Variants in FOXO1 observed in about 807,000 individuals in gnomAD.
FOXO1 encodes forkhead box O1, also known as forkhead box protein O1.
In FOXO1, 6 loss-of-function variants were observed where a neutral mutation model predicts 44.1. The observed-to-expected ratio is 0.14, with a 90% CI of 0.07 to 0.27. FOXO1 has a LOEUF of 0.27. FOXO1 is among the 10% of genes least tolerant of loss of function. The pLI is 1.00. For synonymous variants in FOXO1, 380 were observed against 362.7 expected (o/e 1.05, Z -0.54); for missense variants, 737 against 888.8 (o/e 0.83, Z 2.17).
chr13:40,560,395 T>C lies in FOXO1; in HGVS notation c.1096A>G (p.Ser366Gly), dbSNP rs900224788. The C allele has an allele frequency of 1.2e-6, 2 of 1,614,222 alleles. No individual in the cohort carries two copies. Among genetic ancestry groups the C allele is most frequent in the Non-Finnish European group, 1.7e-6 (2 of 1,180,042 alleles). Residue 366 changes from serine (S) to glycine (G), a missense_variant, in exon 2 of 3, where the codon AGC becomes GGC. Ser to Gly is a moderately conservative substitution (Grantham distance 56). Around this residue, in one of 7 missense-constraint regions of FOXO1, gnomAD observed 136 missense variants for 186.4 expected, o/e 0.73. Transcript: ENST00000379561. The surrounding 1 kb of genome is among the most constrained non-coding windows in gnomAD (Gnocchi z 5.1). Reference protein sequence around the residue: ...ASTLPSLSEISNPENMENLLD... With the variant: ...ASTLPSLSEIGNPENMENLLD... ...AGATTTTCCATGTTTTCGGGATTGC[T>C]TATCTCAGACAGACTGGGTAAAGTA... is the stretch of plus-strand genomic sequence containing the variant.
chr13:40,564,987 A>ATGGTGTAGTCGGGGAACCCCGACG lies in FOXO1; in HGVS notation c.631-4128_631-4127insCGTCGGGGTTCCCCGACTACACCA, dbSNP rs1874210811. Among the ~76,000 whole-genome samples the ATGGTGTAGTCGGGGAACCCCGACG allele has an allele frequency of 5.3e-5, 8 of 152,084 alleles. No homozygotes were observed. In the South Asian group the frequency reaches 1.5e-3, roughly 28 times the overall value. ...CATGGTGTAGTCGGGGAACCCCGAC[A>ATGGTGTAGTCGGGGAACCCCGACG]TGGTGTACTTGCTTGTTCAACCTGC... is the stretch of plus-strand genomic sequence containing the variant. On this transcript the variant is annotated intron_variant, in intron 1 of 2. Coordinates refer to ENST00000379561, the MANE Select transcript of FOXO1 (RefSeq NM_002015.4).
Position 40,560,484 on chromosome 13 carries a change from T to C in FOXO1, c.1007A>G (p.Asp336Gly), listed in dbSNP as rs775637411. The C allele has an allele frequency of 6.2e-7, 1 of 1,614,158 alleles. No individual in the cohort carries two copies. The highest frequency in any genetic ancestry group is 8.5e-7 in the Non-Finnish European group (1 of 1,180,018). The change falls in exon 2 of 3, where the codon GAT (aspartate) becomes GGT (glycine). Residue 336 changes from aspartate to glycine, a missense_variant. Transcript: ENST00000379561. The surrounding 1 kb of genome is among the most constrained non-coding windows in gnomAD (Gnocchi z 5.1). ...GRLSPIMTEQ[D>G]DLGEGDVHSM... ...ATGCACATCCCCTTCTCCAAGATCA[T>C]CCTGTTCGGTCATAATGGGTGAGAG...
intron 1 of FOXO1, among the ~76,000 whole-genome samples, chr13:40,615,311 C>T (rs949099309): frequency 2.6e-5 from 4 of 152,066 alleles, no homozygotes; most frequent in Non-Finnish European, 5.9e-5. Flanking sequence ...CCGAGGCAGG[C>T]GGATCACCTG....
intron 1 of FOXO1, among the ~76,000 whole-genome samples, chr13:40,583,950 A>G (rs1025182698): frequency 5.3e-5 from 8 of 152,088 alleles, no homozygotes; most frequent in Non-Finnish European, 8.8e-5. Flanking sequence ...CTAGCCTTTG[A>G]TTTACAGTGA....
In FOXO1 at chr13:40,637,953, A is replaced by G. The variant is rs1471034665; in HGVS notation, c.630+27630T>C. Among the ~76,000 whole-genome samples, 3 of 152,244 alleles carry G rather than the reference A, an allele frequency of 2.0e-5. No individual in the cohort carries two copies. The East Asian group carries it at 5.8e-4, about 29-fold the overall frequency. ...GTTTATCTGTATTACAGATGAGACT[A>G]AGATACTGGAGGCACCACACTTAGG... On this transcript the variant is annotated intron_variant, in intron 1 of 2. Coordinates refer to ENST00000379561, the MANE Select transcript of FOXO1 (RefSeq NM_002015.4).
intron 1 of FOXO1, among the ~76,000 whole-genome samples, chr13:40,628,553 C>A (rs1876862847): frequency 6.6e-6 from 1 of 152,088 alleles, no homozygotes; most frequent in Non-Finnish European, 1.5e-5. Flanking sequence ...CTTTTTTGTT[C>A]ACGCTACTAC....
intron 1 of FOXO1, among the ~76,000 whole-genome samples, chr13:40,632,748 G>A (rs1877008206): frequency 6.6e-6 from 1 of 151,812 alleles, no homozygotes; most frequent in Non-Finnish European, 1.5e-5. Context: ...TTCAAGACCA[G>A]CCTGGCCAAC....
At chr13:40,663,328 A>G (rs1878095414) in intron 1 of FOXO1, among the ~76,000 whole-genome samples, 1 of 152,258 alleles carries the variant, frequency 6.6e-6, no homozygotes, top group Non-Finnish European at 1.5e-5. Flanking sequence ...TAAATCTTAA[A>G]AAGTGTAAGC....
At chr13:40,561,452 G>A (rs1311521830) in intron 1 of FOXO1, among the ~76,000 whole-genome samples, 1 of 151,806 alleles carries the variant, frequency 6.6e-6, no homozygotes, top group Non-Finnish European at 1.5e-5. Flanking sequence ...ACATTTTATG[G>A]AAAAATCAAA....
chr13:40,621,196 G>C lies in FOXO1; in HGVS notation c.630+44387C>G, dbSNP rs1876601982. 9 of 623,188 alleles carry C rather than the reference G, an allele frequency of 1.4e-5. No individual in the cohort carries two copies. In the Admixed American group the frequency reaches 1.9e-4, roughly 13 times the overall value. The allele number at this position is 623,188 out of a possible 1,614,324, so 38.6% of individuals were successfully genotyped here. A position where few individuals can be genotyped will look rare whatever the true frequency, so the allele number is the denominator to read the frequency against. ...GAACCAGGTAAAATCTGTAGTGTTT[G>C]TATCAGTGACCACATAACTGGAAAC... On this transcript the variant is annotated intron_variant, in intron 1 of 2. Transcript: ENST00000379561.
At chr13:40,612,699 TGAGA>T (rs1206015042) in intron 1 of FOXO1, among the ~76,000 whole-genome samples, 6 of 152,170 alleles carry the variant, frequency 3.9e-5, no homozygotes, top group African/African-American at 7.2e-5. Context: ...TAAGATATTT[TGAGA>T]GAGAGAGAAA....
intron 1 of FOXO1, among the ~76,000 whole-genome samples, chr13:40,582,600 A>T (rs1251635927): frequency 1.3e-5 from 2 of 152,226 alleles, no homozygotes; most frequent in East Asian, 3.8e-4. Context: ...CATTCACAGC[A>T]TCTTCACCAG....
intron 1 of FOXO1, among the ~76,000 whole-genome samples, chr13:40,648,144 T>C (rs1219348740): frequency 6.6e-6 from 1 of 152,188 alleles, no homozygotes; most frequent in African/African-American, 2.4e-5. Flanking sequence ...GAACCTACAG[T>C]AGAGGAAAGC....
intron 1 of FOXO1, among the ~76,000 whole-genome samples, chr13:40,645,033 A>G (rs997515877): frequency 1.3e-5 from 2 of 152,198 alleles, no homozygotes; most frequent in Admixed American, 6.5e-5. Flanking sequence ...CATTTAGCTC[A>G]ATGACAACAG....
At chr13:40,567,737 A>G (rs1440585752) in intron 1 of FOXO1, among the ~76,000 whole-genome samples, 1 of 152,128 alleles carries the variant, frequency 6.6e-6, no homozygotes, top group Non-Finnish European at 1.5e-5. Flanking sequence ...TGGGAGGCTG[A>G]GGAGGGCAGA....
rs963605898 is a variant in FOXO1, at chr13:40,665,902, C to G, written c.311G>C (p.Gly104Ala). 3,693 of 1,174,372 alleles carry G rather than the reference C, an allele frequency of 3.1e-3. 6 individuals are homozygous for G. Among genetic ancestry groups the G allele is most frequent in the Non-Finnish European group, 3.6e-3 (3,449 of 954,422 alleles). The allele number at this position is 1,174,372 out of a possible 1,614,324, so 72.7% of individuals were successfully genotyped here. A position where few individuals can be genotyped will look rare whatever the true frequency, so the allele number is the denominator to read the frequency against. ...GCCCTGGAAGTCCCCGCACAGCCCC[C>G]CGGTGGCGGCCGCGGCGGCCGCCGC... ...VAAAAAAAAT[G>A]GLCGDFQGPE... is the part of the protein sequence containing the mutation. Residue 104 changes from glycine (G) to alanine (A), a missense_variant, in exon 1 of 3, where the codon GGG (glycine) becomes GCG (alanine). This residue lies in a region of FOXO1 where 213 missense variants were observed against 236.4 expected (regional missense o/e 0.90). Transcript: ENST00000379561.
chr13:40,594,202 T>G (rs909421418), intron 1 of FOXO1, among the ~76,000 whole-genome samples: 5 of 152,074 alleles, frequency 3.3e-5, no homozygotes, highest in Non-Finnish European at 7.4e-5. Flanking sequence ...CCTTGAAAAG[T>G]TAATGGATAG....
intron 1 of FOXO1, among the ~76,000 whole-genome samples, chr13:40,641,553 T>C (rs917887635): frequency 1.3e-5 from 2 of 152,154 alleles, no homozygotes; most frequent in Non-Finnish European, 2.9e-5. Flanking sequence ...TAACTGATTA[T>C]TTAGCCGTTA....
At chr13:40,578,346 T>C (rs1230647885) in intron 1 of FOXO1, among the ~76,000 whole-genome samples, 3 of 152,218 alleles carry the variant, frequency 2.0e-5, no homozygotes, top group African/African-American at 7.2e-5. Context: ...GCTGATCCTG[T>C]AGATTGAGAA....
Sources: gnomAD v4.1 joint callset for allele counts (sites outside exome capture counted in the v4.1 genomes callset) on GRCh38, gnomAD v4.1.1 for gene constraint, gnomAD v4.1.1 regional missense constraint, Gnocchi (gnomAD v3.1) non-coding constraint, MANE v1.5 for transcripts, NCBI Gene and HGNC (gene_info 2026-07-23, HGNC 2026-07-21) for gene names.